DDX18: variants seen among roughly 807,000 people sequenced by gnomAD.
DDX18 encodes the protein DEAD-box helicase 18, also known as ATP-dependent RNA helicase DDX18.
DDX18 carries 23 observed loss-of-function variants against 73.5 expected under a neutral mutation model. The ratio of observed to expected loss-of-function variants is 0.31; its 90% CI spans 0.23 to 0.44. The LOEUF (loss-of-function observed/expected upper bound fraction) is 0.44. DDX18 is among the 20% of genes least tolerant of loss of function. The pLI is 1.00. For synonymous variants in DDX18, 268 were observed against 282.7 expected (o/e 0.95, Z 0.52); for missense variants, 753 against 792.9 (o/e 0.95, Z 0.60).
intron 9 of DDX18, 137 bp from the exon 10 acceptor site, chr2:117,825,310 C>A: frequency 1.6e-6 from 2 of 1,243,520 alleles, no homozygotes; most frequent in Non-Finnish European, 2.2e-6. Context: ...CCTTGAGGGG[C>A]TTGCGGAACA....
chr2:117,821,211 AAC>A lies in DDX18; in HGVS notation c.568_569del (p.Thr190SerfsTer14). ...FASLCNLVNENTLKAIKEMGF... is the reference protein window; with the variant it reads ...FASLCNLVNEXTLKAIKEMGF... ...TTCTCTATGTAATCTTGTCAATGAA[AAC>A]ACTCTGAAGGCAATAAAAGAAATGG... On this transcript the variant is annotated frameshift_variant, in exon 4 of 14. Coordinates refer to ENST00000263239, the MANE Select transcript of DDX18 (RefSeq NM_006773.4). LOFTEE classifies it high-confidence loss of function. 6.2e-7 allele frequency: 1 copy of A among 1,610,020 alleles called. No individual in the cohort carries two copies. The highest frequency in any genetic ancestry group is 8.5e-7 in the Non-Finnish European group (1 of 1,178,246).
intron 11 of DDX18, chr2:117,827,146 C>G (rs1442234433): frequency 1.3e-5 from 2 of 152,188 alleles, no homozygotes; most frequent in Non-Finnish European, 2.9e-5. Context: ...CTGGCATAGT[C>G]TTGATGATAG....
chr2:117,825,211 A>G (rs1679904772), intron 9 of DDX18, 110 bp downstream of exon 9: 1 of 1,394,344 alleles, frequency 7.2e-7, no homozygotes, highest in Non-Finnish European at 9.8e-7. Context: ...GAGTAGTTTG[A>G]TCACCACTAG....
At chr2:117,816,797 T>C (rs1170549822) in intron 1 of DDX18, among the ~76,000 whole-genome samples, 1 of 152,242 alleles carries the variant, frequency 6.6e-6, no homozygotes, top group African/African-American at 2.4e-5. Context: ...ATGAGTAATA[T>C]GTTGCACTAC....
At chr2:117,825,186 T>C in intron 9 of DDX18, 85 bp downstream of exon 9, 1 of 1,487,530 alleles carries the variant, frequency 6.7e-7, no homozygotes, top group Non-Finnish European at 9.1e-7. Flanking sequence ...TGCCCTCTCC[T>C]GGAAACATTG....
At chr2:117,826,120 T>C (rs1266064783) in intron 10 of DDX18, 149 bp from the exon 11 acceptor site, 1 of 444,514 alleles carries the variant, frequency 2.2e-6, no homozygotes, top group Non-Finnish European at 4.0e-6. Flanking sequence ...CTGGCCCAGC[T>C]TTGTGGGGGT....
intron 13 of DDX18, among the ~76,000 whole-genome samples, chr2:117,829,693 G>A (rs995336090): frequency 9.2e-5 from 14 of 152,194 alleles, no homozygotes; most frequent in African/African-American, 3.4e-4. Flanking sequence ...GGCAGCTTAT[G>A]CCTTGAGCCT....
chr2:117,819,907 A>T, intron 3 of DDX18, 115 bp downstream of exon 3: 1 of 1,017,266 alleles, frequency 9.8e-7, no homozygotes, highest in Non-Finnish European at 1.3e-6. Context: ...AGTAACTATC[A>T]ACAAGAAACT....
rs1260114527 is a variant in DDX18 at position 117,826,314 on chromosome 2, A to G, written c.1567A>G (p.Arg523Gly). Reference sequence around the variant, plus strand: ...TAGAACAGCCAGAGGCCTAAATGGGAGAGGGCATGCCTTGCTCATTTTGCG... The same window carrying G: ...TAGAACAGCCAGAGGCCTAAATGGGGGAGGGCATGCCTTGCTCATTTTGCG... ...VGRTARGLNG[R>G]GHALLILRPE... Residue 523 changes from arginine (R) to glycine (G), a missense_variant, in exon 11 of 14, where the codon AGA (arginine) becomes GGA (glycine). Arg to Gly is a moderately radical substitution (Grantham distance 125, BLOSUM62 -2). Around this residue, in one of 3 missense-constraint regions of DDX18, gnomAD observed 402 missense variants for 419.4 expected, o/e 0.96. Coordinates refer to ENST00000263239, the MANE Select transcript of DDX18 (RefSeq NM_006773.4). The G allele has an allele frequency of 6.2e-7, 1 of 1,614,024 alleles. No homozygotes were observed. The highest frequency in any genetic ancestry group is 1.7e-5 in the Admixed American group (1 of 59,990).
In DDX18 at chr2:117,825,594, C is replaced by T. The variant is rs1163055130; in HGVS notation, c.1516C>T (p.Pro506Ser). 1 of 1,612,090 alleles carries T rather than the reference C, an allele frequency of 6.2e-7. No individual in the cohort carries two copies. The highest frequency in any genetic ancestry group is 8.5e-7 in the Non-Finnish European group (1 of 1,179,220). The change falls in exon 10 of 14, where the codon CCT becomes TCT. Residue 506 changes from proline (P) to serine (S), a missense_variant. Physicochemically the swap from Pro to Ser is moderately conservative, Grantham distance 74. Coordinates refer to ENST00000263239, the MANE Select transcript of DDX18 (RefSeq NM_006773.4). ...TGTTCAGTATGACCCTCCGGATGAC[C>T]CTAAGGTAACTGGCATCTTTGGAAT... Reference protein sequence around the residue: ...WIVQYDPPDDPKEYIHRVGRT... With the variant: ...WIVQYDPPDDSKEYIHRVGRT...
At chr2:117,822,108 T>G in intron 6 of DDX18, 39 bp from the exon 7 acceptor site, 2 of 1,613,586 alleles carry the variant, frequency 1.2e-6, no homozygotes, top group Non-Finnish European at 1.7e-6. Context: ...AAACATAAAC[T>G]GACAACTAAT....
Position 117,814,763 on chromosome 2 carries a change from C to G in DDX18, c.-15C>G, listed in dbSNP as rs772047313. ...GTACTGTGTGGCGCCTTATTCTAGG[C>G]ACTTGTTGGGCAGAATGTCACACCT... On this transcript the variant is annotated 5_prime_UTR_variant, in exon 1 of 14. Transcript: ENST00000263239. 10 of 1,614,032 alleles carry G rather than the reference C, an allele frequency of 6.2e-6. No homozygotes were observed. The highest frequency in any genetic ancestry group is 8.5e-6 in the Non-Finnish European group (10 of 1,179,918).
At position 117,830,563 on chromosome 2, in the gene DDX18, C is replaced by T. The variant is rs1244860686; in HGVS notation, c.1871-19C>T. The T allele has an allele frequency of 8.7e-6, 14 of 1,603,728 alleles. No homozygotes were observed. The Admixed American group carries it at 1.2e-4, about 14-fold the overall frequency. On this transcript the variant is annotated intron_variant, in intron 13 of 13. Coordinates refer to ENST00000263239, the MANE Select transcript of DDX18 (RefSeq NM_006773.4). ...GTTCATTATCTTTTTTGCTTGATTT[C>T]CTTAATGTTTGCCTCCAGACGTCAA...
At chr2:117,821,064 G>T (rs927426267) in intron 3 of DDX18, 97 bp from the exon 4 acceptor site, 118 of 1,199,072 alleles carry the variant, frequency 9.8e-5, no homozygotes, top group Non-Finnish European at 1.2e-4. Flanking sequence ...TTCTTACTGC[G>T]GGAAGCTTTT....
rs1037376120 is a variant in DDX18, at chr2:117,824,843, A to G, written c.1207-97A>G. The G allele has an allele frequency of 2.7e-6, 4 of 1,482,900 alleles. No individual in the cohort carries two copies. In the African/African-American group the frequency reaches 5.6e-5, roughly 21 times the overall value. The allele number at this position is 1,482,900 out of a possible 1,614,324, so 91.9% of individuals were successfully genotyped here. On this transcript the variant is annotated intron_variant, in intron 8 of 13. Transcript: ENST00000263239. The stretch of plus-strand genomic sequence containing the variant: ...GTAGGTGAGGCATGACAGTTTACAC[A>G]CTGTGTTTATCAGTGCTCTTGATGA...
intron 9 of DDX18, 115 bp from the exon 10 acceptor site, chr2:117,825,332 A>G (rs1187031097): frequency 1.3e-5 from 17 of 1,332,400 alleles, no homozygotes; most frequent in Non-Finnish European, 3.1e-6. Flanking sequence ...TTGGGGAAAT[A>G]GGACATAGGC....
chr2:117,830,656 G>A lies in DDX18; in HGVS notation c.1945G>A (p.Val649Ile), dbSNP rs771726442. The A allele has an allele frequency of 6.2e-7, 1 of 1,613,836 alleles. No individual in the cohort carries two copies. The highest frequency in any genetic ancestry group is 1.1e-5 in the South Asian group (1 of 91,070). ...ATTTGGCTACCAGAAAACCAAGAAA[G>A]TTGAGAAATCCAAAATCTTTAAACA... ...GGFGYQKTKK[V>I]EKSKIFKHIS... is the part of the protein sequence containing the mutation. The change falls in exon 14 of 14, where the codon GTT becomes ATT. Residue 649 changes from valine (V) to isoleucine (I), a missense_variant. Val to Ile is a conservative substitution (Grantham distance 29, BLOSUM62 3). Transcript: ENST00000263239.
chr2:117,825,570 G>C lies in DDX18; in HGVS notation c.1492G>C (p.Val498Leu), dbSNP rs1382221562. The C allele has an allele frequency of 4.3e-6, 7 of 1,614,050 alleles. No individual in the cohort carries two copies. The highest frequency in any genetic ancestry group is 5.1e-6 in the Non-Finnish European group (6 of 1,180,028). ...GLDIPEVDWI[V>L]QYDPPDDPKE... is the part of the protein sequence containing the mutation. ...AGACATTCCTGAAGTCGACTGGATT[G>C]TTCAGTATGACCCTCCGGATGACCC... The change falls in exon 10 of 14, where the codon GTT becomes CTT. Residue 498 changes from valine to leucine, a missense_variant. By Grantham distance (32) the Val-to-Leu change is conservative. Coordinates refer to ENST00000263239, the MANE Select transcript of DDX18 (RefSeq NM_006773.4).
In DDX18 at chr2:117,814,881, CG is replaced by C. The variant is rs1319523459; in HGVS notation, c.85+21del. The C allele has an allele frequency of 6.2e-7, 1 of 1,613,888 alleles. No homozygotes were observed. On this transcript the variant is annotated intron_variant, in intron 1 of 13. Transcript: ENST00000263239. ...TTTCAGGGTGAGATGCGTTGACTCGCGGTGGCTCAGAAGACCCACGCGCGAG... is the reference window on the plus strand; with the variant it reads ...TTTCAGGGTGAGATGCGTTGACTCGCGTGGCTCAGAAGACCCACGCGCGAG...
Sources: gnomAD v4.1 joint callset for allele counts (sites outside exome capture counted in the v4.1 genomes callset) on GRCh38, gnomAD v4.1.1 for gene constraint, gnomAD v4.1.1 regional missense constraint, MANE v1.5 for transcripts, NCBI Gene and HGNC (gene_info 2026-07-23, HGNC 2026-07-21) for gene names.